Variants in RIMS2 observed in about 807,000 individuals in gnomAD.
RIMS2 encodes the protein regulating synaptic membrane exocytosis 2.
In RIMS2, 59 loss-of-function variants were observed where a neutral mutation model predicts 174.4. The observed-to-expected ratio is 0.34, with a 90% CI of 0.27 to 0.42. RIMS2 has a LOEUF of 0.42. Among genes scored for constraint, RIMS2 ranks in the 10% least tolerant of loss-of-function variants. The pLI, the probability that RIMS2 is intolerant of heterozygous loss-of-function variation, is 1.00. For missense variants in RIMS2, 1,620 were observed against 1,666.3 expected (o/e 0.97, Z 0.48); for synonymous variants, 606 against 572.5 (o/e 1.06, Z -0.84).
intron 1 of RIMS2, among the ~76,000 whole-genome samples, chr8:103,504,773 A>G (rs931167316): frequency 1.3e-5 from 2 of 151,566 alleles, no homozygotes; most frequent in Admixed American, 1.3e-4. Context: ...CAATTTTAAA[A>G]GTATTTTCTA....
At chr8:103,834,042 C>T (rs897285482) in intron 3 of RIMS2, among the ~76,000 whole-genome samples, 11 of 152,040 alleles carry the variant, frequency 7.2e-5, no homozygotes, top group Non-Finnish European at 1.5e-4. Flanking sequence ...CAGAGTCTTA[C>T]TCTGTTGCCC....
intron 19 of RIMS2, among the ~76,000 whole-genome samples, chr8:104,114,936 TAAG>T (rs2098256146): frequency 1.3e-5 from 2 of 152,072 alleles, no homozygotes; most frequent in Admixed American, 1.3e-4. Context: ...CTAATAAATA[TAAG>T]AACACGTGCA....
At chr8:103,997,716 A>G (rs2095187466) in intron 17 of RIMS2, among the ~76,000 whole-genome samples, 4 of 151,802 alleles carry the variant, frequency 2.6e-5, no homozygotes, top group Non-Finnish European at 4.4e-5. Flanking sequence ...TCTTTATTAA[A>G]TGGAATTGTT....
intron 17 of RIMS2, among the ~76,000 whole-genome samples, chr8:104,009,512 G>A (rs953194501): frequency 6.6e-6 from 1 of 151,850 alleles, no homozygotes; most frequent in Admixed American, 6.6e-5. Context: ...GCCCAGTCTG[G>A]TCTCAAACAC....
chr8:103,965,105 C>G (rs1166718810), intron 15 of RIMS2, among the ~76,000 whole-genome samples: 1 of 152,120 alleles, frequency 6.6e-6, no homozygotes, highest in Non-Finnish European at 1.5e-5. Flanking sequence ...TCTCCAACTT[C>G]ATTCTTCTCC....
At chr8:103,830,049 CTTTA>C (rs1405852993) in intron 3 of RIMS2, among the ~76,000 whole-genome samples, 3 of 151,800 alleles carry the variant, frequency 2.0e-5, no homozygotes, top group African/African-American at 7.3e-5. Flanking sequence ...TTTCATATTT[CTTTA>C]TTATCTTGTT....
chr8:103,706,346 G>C (rs1265317215), intron 2 of RIMS2, among the ~76,000 whole-genome samples: 1 of 152,004 alleles, frequency 6.6e-6, no homozygotes, highest in Non-Finnish European at 1.5e-5. Context: ...CACAATTACA[G>C]TTTTAGTGTA....
intron 19 of RIMS2, among the ~76,000 whole-genome samples, chr8:104,224,243 G>T (rs1263954020): frequency 6.6e-6 from 1 of 152,196 alleles, no homozygotes; most frequent in African/African-American, 2.4e-5. Context: ...ATCGGATGAG[G>T]TGAAGGGGTT....
At chr8:103,628,495 C>A (rs1466683265) in intron 1 of RIMS2, among the ~76,000 whole-genome samples, 1 of 151,896 alleles carries the variant, frequency 6.6e-6, no homozygotes. Flanking sequence ...GCTGGGATTA[C>A]AGGCATGTGC....
rs2081173388 is a variant in RIMS2 at position 103,936,051 on chromosome 8, T to C, written c.2376-500T>C. On this transcript the variant is annotated intron_variant, in intron 12 of 23. Transcript: ENST00000504942. ...CAAATAAATATGAATTTCTTATATTTAAAAAAGTATCTTTATAAAAAATAA... is the reference window on the plus strand; with the variant it reads ...CAAATAAATATGAATTTCTTATATTCAAAAAAGTATCTTTATAAAAAATAA... 2.0e-5 allele frequency among the ~76,000 whole-genome samples: 3 copies of C among 152,150 alleles called. No homozygotes were observed. In the South Asian group the frequency reaches 6.2e-4, roughly 31 times the overall value.
chr8:103,527,273 A>G (rs956295540), intron 1 of RIMS2, among the ~76,000 whole-genome samples: 4 of 152,226 alleles, frequency 2.6e-5, no homozygotes, highest in Non-Finnish European at 5.9e-5. Context: ...TCACTGGAGA[A>G]TTGGTTCCAA....
At chr8:103,709,147 T>A (rs113829206) in intron 2 of RIMS2, among the ~76,000 whole-genome samples, 1 of 152,216 alleles carries the variant, frequency 6.6e-6, no homozygotes, top group Admixed American at 6.5e-5. Context: ...GTATATTTTT[T>A]AATAATCACA....
At chr8:103,515,762 T>G (rs951462372) in intron 1 of RIMS2, among the ~76,000 whole-genome samples, 1 of 152,098 alleles carries the variant, frequency 6.6e-6, no homozygotes, top group African/African-American at 2.4e-5. Flanking sequence ...TATACAATAT[T>G]TCTATAATAT....
At chr8:103,597,712 G>T (rs2094530972) in intron 1 of RIMS2, among the ~76,000 whole-genome samples, 1 of 148,036 alleles carries the variant, frequency 6.8e-6, no homozygotes, top group African/African-American at 2.5e-5. Context: ...AACTATAAAG[G>T]CACCTCATGT....
intron 3 of RIMS2, among the ~76,000 whole-genome samples, chr8:103,868,973 C>A (rs906554848): frequency 2.6e-5 from 4 of 152,042 alleles, no homozygotes; most frequent in Non-Finnish European, 5.9e-5. Flanking sequence ...TATTTAACTG[C>A]AAGTACTTAT....
chr8:104,176,064 G>A (rs1166959876), intron 19 of RIMS2, among the ~76,000 whole-genome samples: 8 of 152,052 alleles, frequency 5.3e-5, no homozygotes, highest in Admixed American at 5.2e-4. Flanking sequence ...CTGCAGTGCT[G>A]TCTGAAGCAG....
intron 1 of RIMS2, among the ~76,000 whole-genome samples, chr8:103,601,058 A>G (rs1045389293): frequency 9.2e-5 from 14 of 152,162 alleles, no homozygotes; most frequent in African/African-American, 3.4e-4. Flanking sequence ...ATGGATTATT[A>G]GATTCTTTTC....
rs758603163 is a variant in RIMS2, at chr8:103,501,066, A to G, written c.176+4A>G. 8.8e-6 allele frequency: 14 copies of G among 1,584,970 alleles called. No homozygotes were observed. The highest frequency in any genetic ancestry group is 1.2e-5 in the Non-Finnish European group (14 of 1,166,104). On this transcript the variant is annotated splice_donor_region_variant and intron_variant, in intron 1 of 23. Coordinates refer to ENST00000504942, the Ensembl canonical transcript of RIMS2. ...AGAAGGAGCAGTCCGTGCTCAAGTA[A>G]GGACCTGGCTCCATATTCCCGCCTC...
chr8:104,223,423 G>C lies in RIMS2; in HGVS notation c.3335-21493G>C, dbSNP rs1587769215. 9 of 1,072,994 alleles carry C rather than the reference G, an allele frequency of 8.4e-6. No homozygotes were observed. In the East Asian group the frequency reaches 2.0e-4, roughly 24 times the overall value. The allele number at this position is 1,072,994 out of a possible 1,614,324, so 66.5% of individuals were successfully genotyped here. On this transcript the variant is annotated intron_variant, in intron 19 of 23. Transcript: ENST00000504942. ...GCGAGCAGCCGCTCCGCCCGCCACC[G>C]CCTCCATCTCCTCCTCTGGACCCCT... is the stretch of plus-strand genomic sequence containing the variant.
Sources: gnomAD v4.1 joint callset for allele counts (sites outside exome capture counted in the v4.1 genomes callset) on GRCh38, gnomAD v4.1.1 for gene constraint, MANE v1.5 for transcripts, NCBI Gene and HGNC (gene_info 2026-07-23, HGNC 2026-07-21) for gene names.